Variants in SGCD observed in about 807,000 individuals in gnomAD.
SGCD encodes delta-sarcoglycan.
SGCD carries 18 observed loss-of-function variants against 36.6 expected under a neutral mutation model. The ratio of observed to expected loss-of-function variants is 0.49; its 90% CI spans 0.34 to 0.73. The LOEUF (loss-of-function observed/expected upper bound fraction) is 0.73, where lower values mean the gene tolerates loss of function less well. Ranked by LOEUF, SGCD falls within the 30% of genes least tolerant of loss-of-function variation. The pLI, the probability that SGCD is intolerant of heterozygous loss-of-function variation, is 0.01. For missense variants in SGCD, 387 were observed against 346.7 expected (o/e 1.12, Z -0.92); for synonymous variants, 133 against 130.6 (o/e 1.02, Z -0.12).
At chr5:156,737,264 C>T (rs1756421841) in intron 7 of SGCD, among the ~76,000 whole-genome samples, 1 of 151,934 alleles carries the variant, frequency 6.6e-6, no homozygotes, top group African/African-American at 2.4e-5. Context: ...TGGCAGTTTT[C>T]AGGTAACATT....
chr5:156,698,701 G>T (rs1368490441), intron 7 of SGCD, among the ~76,000 whole-genome samples: 19 of 152,152 alleles, frequency 1.2e-4, no homozygotes, highest in Non-Finnish European at 2.1e-4. Context: ...AGACATACCA[G>T]CCCTGGAGTC....
intron 4 of SGCD, among the ~76,000 whole-genome samples, chr5:156,524,293 A>G (rs928791402): frequency 4.9e-5 from 7 of 142,820 alleles, no homozygotes; most frequent in Admixed American, 3.6e-4. Flanking sequence ...ATAGTTATAT[A>G]TATATATATA....
intron 3 of SGCD, among the ~76,000 whole-genome samples, chr5:156,209,789 C>G (rs547477427): frequency 6.6e-6 from 1 of 152,330 alleles, no homozygotes; most frequent in Admixed American, 6.5e-5. Flanking sequence ...TTGAAGACCC[C>G]AGTGCCAGGC....
At chr5:155,827,672 C>CTT in the SGCD span, among the ~76,000 whole-genome samples, 204 of 64,418 alleles carry the variant, frequency 3.2e-3, no homozygotes, top group South Asian at 4.6e-3. Context: ...CTAAATAATT[C>CTT]TTTTTTTTTT....
chr5:156,519,197 A>G (rs1160641005), intron 4 of SGCD, among the ~76,000 whole-genome samples: 1 of 152,156 alleles, frequency 6.6e-6, no homozygotes, highest in African/African-American at 2.4e-5. Flanking sequence ...AGAGAATACT[A>G]TAAACACCTC....
chr5:156,049,957 T>G (rs532058772), intron 1 of SGCD, among the ~76,000 whole-genome samples: 1 of 146,864 alleles, frequency 6.8e-6, no homozygotes, highest in African/African-American at 2.4e-5. Flanking sequence ...ATTTGCCTCT[T>G]TTGAATGGGC....
the SGCD span, among the ~76,000 whole-genome samples, chr5:155,744,727 T>C: frequency 1.3e-5 from 2 of 151,986 alleles, no homozygotes; most frequent in Non-Finnish European, 2.9e-5. Context: ...AAATGGACAA[T>C]ATGGGAGAGA....
In SGCD at chr5:156,757,578, C is replaced by T; in HGVS notation, c.576-3C>T. On this transcript the variant is annotated splice_region_variant and splice_polypyrimidine_tract_variant and intron_variant, in intron 7 of 8. Coordinates refer to ENST00000337851, the MANE Select transcript of SGCD (RefSeq NM_000337.6). ...TTTATTGACGATCTTGGGTGTTTTT[C>T]AGGTTGGAGTCCCCAACCCGGTCTC... The T allele has an allele frequency of 6.3e-7, 1 of 1,584,302 alleles. No individual in the cohort carries two copies. The highest frequency in any genetic ancestry group is 8.6e-7 in the Non-Finnish European group (1 of 1,161,104).
intron 3 of SGCD, among the ~76,000 whole-genome samples, chr5:156,206,373 C>CACTA (rs1465530125): frequency 1.3e-5 from 2 of 151,810 alleles, no homozygotes; most frequent in Non-Finnish European, 2.9e-5. Flanking sequence ...TTGGATAAAA[C>CACTA]ACTAGATTTT....
At chr5:156,333,369 G>A (rs1185103627) in intron 2 of SGCD, among the ~76,000 whole-genome samples, 6 of 152,026 alleles carry the variant, frequency 3.9e-5, no homozygotes, top group Admixed American at 3.9e-4. Flanking sequence ...CACTCTGGCT[G>A]GAATACAGTA....
chr5:156,529,657 A>G (rs1159223229), intron 4 of SGCD, among the ~76,000 whole-genome samples: 1 of 152,166 alleles, frequency 6.6e-6, no homozygotes, highest in Admixed American at 6.5e-5. Context: ...ATTTTAAAAA[A>G]CTTGTTCCTT....
intron 1 of SGCD, among the ~76,000 whole-genome samples, chr5:156,104,453 T>A (rs921683445): frequency 6.6e-6 from 1 of 152,216 alleles, no homozygotes; most frequent in African/African-American, 2.4e-5. Flanking sequence ...ACCTGCCTGA[T>A]ATTGAATCTC....
intron 2 of SGCD, among the ~76,000 whole-genome samples, chr5:156,121,399 G>T (rs910453729): frequency 6.6e-6 from 1 of 152,094 alleles, no homozygotes; most frequent in Non-Finnish European, 1.5e-5. Context: ...ACTTAGAGAA[G>T]TTGATTATCT....
chr5:156,119,826 A>G (rs1488828139), intron 2 of SGCD, among the ~76,000 whole-genome samples: 1 of 151,912 alleles, frequency 6.6e-6, no homozygotes, highest in Non-Finnish European at 1.5e-5. Flanking sequence ...TTTTAACACA[A>G]CCTAACCATT....
chr5:156,389,635 G>A (rs944178192), intron 3 of SGCD, among the ~76,000 whole-genome samples: 2 of 152,174 alleles, frequency 1.3e-5, no homozygotes, highest in Non-Finnish European at 2.9e-5. Flanking sequence ...AGGAGGCAGA[G>A]CTCAGGCAGT....
At chr5:156,484,870 TA>T (rs1219816132) in intron 3 of SGCD, among the ~76,000 whole-genome samples, 1 of 152,234 alleles carries the variant, frequency 6.6e-6, no homozygotes, top group African/African-American at 2.4e-5. Flanking sequence ...TCATCTTGGT[TA>T]AATTAGTTTT....
intron 3 of SGCD, among the ~76,000 whole-genome samples, chr5:156,318,816 G>A (rs966661835): frequency 6.6e-6 from 1 of 152,028 alleles, no homozygotes; most frequent in Non-Finnish European, 1.5e-5. Flanking sequence ...GGCTGGTCTC[G>A]AACTCCTGAC....
chr5:155,925,693 G>A (rs532796968), intron 1 of SGCD, among the ~76,000 whole-genome samples: 40 of 152,154 alleles, frequency 2.6e-4, no homozygotes, highest in Non-Finnish European at 5.4e-4. Flanking sequence ...ACAGCTTACT[G>A]CAGCCTCAAA....
At chr5:156,345,790 G>T (rs528519335) in intron 3 of SGCD, among the ~76,000 whole-genome samples, 1 of 152,218 alleles carries the variant, frequency 6.6e-6, no homozygotes, top group African/African-American at 2.4e-5. Flanking sequence ...AAATTTTCAT[G>T]TGACAATCCC....
Sources: allele counts gnomAD v4.1 joint callset (sites outside exome capture counted in the v4.1 genomes callset), GRCh38; gene constraint gnomAD v4.1.1; transcripts MANE v1.5; gene names NCBI Gene and HGNC (gene_info 2026-07-23, HGNC 2026-07-21).